The following LHFPL3 variants were observed in gnomAD, a reference collection of about 807,000 sequenced individuals.
LHFPL3 encodes the protein LHFPL tetraspan subfamily member 3.
A neutral mutation model predicts 19.3 loss-of-function variants in LHFPL3; 5 were observed. That is an observed-to-expected ratio of 0.26 (90% CI 0.14 to 0.54). The LOEUF is 0.54. Among genes scored for constraint, LHFPL3 ranks in the 20% least tolerant of loss-of-function variants. The probability of loss-of-function intolerance (pLI) is 0.94; values close to 1 mark genes in which losing one functional copy is unlikely to be tolerated. For missense variants in LHFPL3, 249 were observed against 307.4 expected (o/e 0.81, Z 1.42); for synonymous variants, 133 against 126.2 (o/e 1.05, Z -0.36).
chr7:104,530,040 TCATC>T (rs1399929843), intron 1 of LHFPL3, among the ~76,000 whole-genome samples: 1 of 152,206 alleles, frequency 6.6e-6, no homozygotes, highest in Non-Finnish European at 1.5e-5. Context: ...TGTATTTTTA[TCATC>T]CTAGCCTAAA....
intron 1 of LHFPL3, among the ~76,000 whole-genome samples, chr7:104,547,718 C>T (rs928326263): frequency 3.3e-5 from 5 of 152,158 alleles, no homozygotes; most frequent in Non-Finnish European, 7.4e-5. Flanking sequence ...CACTTCATGG[C>T]CCTTTCTCAT....
intron 1 of LHFPL3, among the ~76,000 whole-genome samples, chr7:104,355,551 C>T (rs942015757): frequency 3.9e-5 from 6 of 152,308 alleles, no homozygotes; most frequent in South Asian, 4.1e-4. Flanking sequence ...CACCTATTGA[C>T]GTTTTTCAAG....
intron 2 of LHFPL3, among the ~76,000 whole-genome samples, chr7:104,764,636 G>T (rs1211439677): frequency 1.3e-5 from 2 of 152,148 alleles, no homozygotes; most frequent in Non-Finnish European, 2.9e-5. Flanking sequence ...TATGGAAACT[G>T]CGCCTTATAC....
intron 1 of LHFPL3, among the ~76,000 whole-genome samples, chr7:104,497,984 G>T (rs1401715087): frequency 2.0e-5 from 3 of 152,096 alleles, no homozygotes. Flanking sequence ...TGAACCAAAG[G>T]CCTGGGTTTT....
At chr7:104,691,919 T>C (rs752705381) in intron 1 of LHFPL3, among the ~76,000 whole-genome samples, 1 of 152,204 alleles carries the variant, frequency 6.6e-6, no homozygotes, top group African/African-American at 2.4e-5. Flanking sequence ...TTGAGCAAAA[T>C]GCTGATAGTG....
intron 1 of LHFPL3, among the ~76,000 whole-genome samples, chr7:104,690,551 T>C (rs1405896483): frequency 6.6e-6 from 1 of 152,238 alleles, no homozygotes; most frequent in Non-Finnish European, 1.5e-5. Context: ...GACTTACTGA[T>C]GACATATTTG....
intron 2 of LHFPL3, among the ~76,000 whole-genome samples, chr7:104,771,055 G>A (rs942834885): frequency 6.6e-6 from 1 of 152,050 alleles, no homozygotes; most frequent in African/African-American, 2.4e-5. Flanking sequence ...CACACTTTTT[G>A]GGGGCAGCTC....
At chr7:104,571,488 C>G (rs1032071577) in intron 1 of LHFPL3, among the ~76,000 whole-genome samples, 3 of 152,192 alleles carry the variant, frequency 2.0e-5, no homozygotes, top group African/African-American at 7.2e-5. Flanking sequence ...TTCTTCCTCA[C>G]CATGCAGCCA....
chr7:104,840,349 T>C (rs1213129273), intron 2 of LHFPL3, among the ~76,000 whole-genome samples: 1 of 135,334 alleles, frequency 7.4e-6, no homozygotes, highest in Non-Finnish European at 1.5e-5. Context: ...AAGGTCTCAC[T>C]CTGTCACCGA....
At chr7:104,347,663 G>A (rs772737260) in intron 1 of LHFPL3, among the ~76,000 whole-genome samples, 3 of 152,130 alleles carry the variant, frequency 2.0e-5, no homozygotes, top group African/African-American at 7.2e-5. Context: ...AGGCCAAGGC[G>A]GGTGGATCAC....
At chr7:104,879,984 G>C (rs940369697) in intron 2 of LHFPL3, among the ~76,000 whole-genome samples, 1 of 152,036 alleles carries the variant, frequency 6.6e-6, no homozygotes, top group African/African-American at 2.4e-5. Context: ...TTTAGCCCAG[G>C]AATTGGAGGC....
chr7:104,793,307 G>A (rs1231497364), intron 2 of LHFPL3, among the ~76,000 whole-genome samples: 1 of 152,190 alleles, frequency 6.6e-6, no homozygotes, highest in Non-Finnish European at 1.5e-5. Context: ...CAGAGGAGAG[G>A]TGGGAAATAT....
chr7:104,699,191 A>T (rs1793055340), intron 1 of LHFPL3, among the ~76,000 whole-genome samples: 1 of 152,236 alleles, frequency 6.6e-6, no homozygotes, highest in Non-Finnish European at 1.5e-5. Flanking sequence ...ACTTCTGGGT[A>T]TGTATCCAAA....
rs60101149 is a variant in LHFPL3 at position 104,434,904 on chromosome 7, T to C, written c.445+105680T>C. On this transcript the variant is annotated intron_variant, in intron 1 of 2. Coordinates refer to ENST00000424859, the MANE Select transcript of LHFPL3 (RefSeq NM_199000.3). ...ATATTTTTCATGTAGATATTAACAA[T>C]ATAATTATTTTTATTAGGCATTTGC... Among the ~76,000 whole-genome samples, 1,305 of 152,264 alleles carry C rather than the reference T, an allele frequency of 8.6e-3. 56 individuals are homozygous for C. In the East Asian group the frequency reaches 0.15, roughly 17 times the overall value.
chr7:104,374,214 G>A (rs1214499731), intron 1 of LHFPL3, among the ~76,000 whole-genome samples: 1 of 149,494 alleles, frequency 6.7e-6, no homozygotes, highest in Non-Finnish European at 1.5e-5. Context: ...ATATATGTGT[G>A]TGTGTGTGTG....
intron 2 of LHFPL3, among the ~76,000 whole-genome samples, chr7:104,897,359 C>T (rs979895537): frequency 1.3e-4 from 20 of 152,142 alleles, no homozygotes; most frequent in African/African-American, 4.3e-4. Flanking sequence ...CTCTGCAGTC[C>T]GCTTCCCTTT....
chr7:104,851,946 T>C (rs1002920308), intron 2 of LHFPL3, among the ~76,000 whole-genome samples: 4 of 151,832 alleles, frequency 2.6e-5, no homozygotes, highest in African/African-American at 9.7e-5. Context: ...CCTTCCATCA[T>C]TCCTTCCTCC....
At chr7:104,410,723 A>C (rs1172600924) in intron 1 of LHFPL3, among the ~76,000 whole-genome samples, 1 of 152,234 alleles carries the variant, frequency 6.6e-6, no homozygotes, top group Non-Finnish European at 1.5e-5. Context: ...ATGTGCAAAA[A>C]TGCATTTAAC....
At position 104,593,087 on chromosome 7, in the gene LHFPL3, G is replaced by A. The variant is rs149766622; in HGVS notation, c.446-143588G>A. 4.4e-3 allele frequency among the ~76,000 whole-genome samples: 667 copies of A among 152,174 alleles called. 35 individuals are homozygous for A. In the East Asian group the frequency reaches 0.1, roughly 23 times the overall value. ...ATTTCTTATCTTCTGCTAGCTTTTG[G>A]ATGTGCTTGCTCTTGCTTCTCTAGT... On this transcript the variant is annotated intron_variant, in intron 1 of 2. Transcript: ENST00000424859.
Sources: allele counts gnomAD v4.1 joint callset (sites outside exome capture counted in the v4.1 genomes callset), GRCh38; gene constraint gnomAD v4.1.1; transcripts MANE v1.5; gene names NCBI Gene and HGNC (gene_info 2026-07-23, HGNC 2026-07-21).